Variants in CROT observed in about 807,000 individuals in gnomAD.
The protein encoded by CROT is carnitine O-octanoyltransferase.
Under a neutral mutation model 89.2 loss-of-function variants are expected in CROT, and 84 were observed. That is an observed-to-expected ratio of 0.94 (90% CI 0.79 to 1.13). The LOEUF (loss-of-function observed/expected upper bound fraction) is 1.13. Among genes scored for constraint, CROT ranks in the 50% most tolerant of loss-of-function variants. The pLI, the probability that CROT is intolerant of heterozygous loss-of-function variation, is 0.00. For missense variants in CROT, 711 were observed against 727.8 expected (o/e 0.98, Z 0.27); for synonymous variants, 212 against 239.5 (o/e 0.89, Z 1.06).
intron 3 of CROT, among the ~76,000 whole-genome samples, chr7:87,356,790 A>T (rs1033460990): frequency 4.6e-5 from 7 of 152,194 alleles, no homozygotes; most frequent in African/African-American, 1.7e-4. Flanking sequence ...TGGGAGGCCA[A>T]AGTGGGCAGA....
intron 10 of CROT, among the ~76,000 whole-genome samples, chr7:87,378,018 C>T (rs929419259): frequency 1.3e-5 from 2 of 152,034 alleles, no homozygotes; most frequent in Admixed American, 1.3e-4. Flanking sequence ...GATAGGCATT[C>T]AGGAGGTCTA....
chr7:87,355,193 A>G (rs1451390169), intron 3 of CROT, among the ~76,000 whole-genome samples: 1 of 151,458 alleles, frequency 6.6e-6, no homozygotes, highest in African/African-American at 2.4e-5. Context: ...TTGACAGCCC[A>G]GGCTCAAGTG....
chr7:87,389,640 G>A (rs569919788), intron 13 of CROT, among the ~76,000 whole-genome samples: 17 of 151,986 alleles, frequency 1.1e-4, no homozygotes, highest in Non-Finnish European at 8.8e-5. Context: ...GGGGCTAGGG[G>A]AGGGATAGCA....
intron 13 of CROT, among the ~76,000 whole-genome samples, chr7:87,385,861 G>A (rs536589216): frequency 1.3e-5 from 2 of 152,208 alleles, no homozygotes; most frequent in Non-Finnish European, 2.9e-5. Flanking sequence ...CTTCTTTACT[G>A]AGTTTGTTGA....
At chr7:87,353,517 C>T (rs1208206964) in intron 3 of CROT, among the ~76,000 whole-genome samples, 1 of 152,082 alleles carries the variant, frequency 6.6e-6, no homozygotes, top group African/African-American at 2.4e-5. Flanking sequence ...GCCATTTTTG[C>T]ATTGATATAA....
chr7:87,393,455 T>C (rs1385783779), intron 17 of CROT, among the ~76,000 whole-genome samples: 1 of 152,146 alleles, frequency 6.6e-6, no homozygotes, highest in East Asian at 1.9e-4. Flanking sequence ...AGAAAAGAGA[T>C]TGGGTAAATT....
intron 3 of CROT, among the ~76,000 whole-genome samples, chr7:87,356,887 T>G (rs1456264999): frequency 6.6e-6 from 1 of 152,150 alleles, no homozygotes; most frequent in Non-Finnish European, 1.5e-5. Context: ...CTGGGCGTGG[T>G]GGTGGGCACC....
chr7:87,372,007 C>CAAAAAAAAAAAAAAAAAAAAAAAAAAA (rs61300907), intron 7 of CROT, among the ~76,000 whole-genome samples: 1 of 124,002 alleles, frequency 8.1e-6, no homozygotes, highest in Non-Finnish European at 1.7e-5. Flanking sequence ...AAAAAAAAAA[C>CAAAAAAAAAAAAAAAAAAAAAAAAAAA]AAAAAAAAAA....
intron 13 of CROT, among the ~76,000 whole-genome samples, chr7:87,386,672 T>C (rs1807192926): frequency 6.6e-6 from 1 of 152,180 alleles, no homozygotes; most frequent in Non-Finnish European, 1.5e-5. Flanking sequence ...AACGAAAGGA[T>C]ACCCTGGCTG....
At chr7:87,370,412 G>A (rs1216411124) in intron 7 of CROT, among the ~76,000 whole-genome samples, 1 of 152,052 alleles carries the variant, frequency 6.6e-6, no homozygotes, top group African/African-American at 2.4e-5. Context: ...TGAACTCCTG[G>A]CCTTAAATAA....
intron 3 of CROT, among the ~76,000 whole-genome samples, chr7:87,354,815 G>T (rs1466756271): frequency 6.6e-6 from 1 of 152,108 alleles, no homozygotes; most frequent in Non-Finnish European, 1.5e-5. Flanking sequence ...AAAAAATCTT[G>T]TTTTAACATC....
intron 6 of CROT, among the ~76,000 whole-genome samples, 173 bp downstream of exon 6, chr7:87,362,025 C>T (rs972845477): frequency 9.2e-5 from 14 of 152,094 alleles, no homozygotes; most frequent in South Asian, 2.1e-4. Flanking sequence ...TTTATGGGAA[C>T]GGATTTTCTA....
chr7:87,355,131 G>A (rs903529265), intron 3 of CROT, among the ~76,000 whole-genome samples: 3 of 148,952 alleles, frequency 2.0e-5, no homozygotes, highest in African/African-American at 2.5e-5. Flanking sequence ...ATAGGGCCTC[G>A]CTCTCTTGCC....
At chr7:87,381,468 T>G (rs1459307718) in intron 10 of CROT, among the ~76,000 whole-genome samples, 1 of 152,212 alleles carries the variant, frequency 6.6e-6, no homozygotes, top group East Asian at 1.9e-4. Context: ...CTAAGTGGCC[T>G]AAGTCCTTAC....
At chr7:87,359,169 T>A (rs1806196192) in intron 3 of CROT, 37 bp from the exon 4 acceptor site, 2 of 1,384,450 alleles carry the variant, frequency 1.4e-6, no homozygotes, top group African/African-American at 2.9e-5. Flanking sequence ...TGGTGGTACT[T>A]GGTCTAAATA....
chr7:87,391,411 CA>C (rs1322165115), intron 13 of CROT, among the ~76,000 whole-genome samples, 177 bp from the exon 14 acceptor site: 2 of 152,164 alleles, frequency 1.3e-5, no homozygotes, highest in Admixed American at 6.5e-5. Context: ...CCCACATTAT[CA>C]GAGTATTTTT....
At chr7:87,383,483 G>C (rs1584643735) in intron 13 of CROT, among the ~76,000 whole-genome samples, 1 of 145,234 alleles carries the variant, frequency 6.9e-6, no homozygotes, top group East Asian at 2.0e-4. Flanking sequence ...ATATTCCATT[G>C]TGTATGTATA....
In CROT at chr7:87,375,698, T is replaced by C; in HGVS notation, c.723T>C (p.Thr241=). The change falls in exon 8 of 18, where the codon ACT becomes ACC. Residue 241 remains threonine (T), a synonymous_variant. Coordinates refer to ENST00000331536, the MANE Select transcript of CROT (RefSeq NM_021151.4). ...ATGGACCTGGGATTGCAGCATTAAC[T>C]AGTGAGGAGCGAACTCGATGGGCTA... ...EPDGPGIAAL[T]SEERTRWAKA... is the part of the protein sequence containing the mutation. 6.2e-7 allele frequency: 1 copy of C among 1,613,582 alleles called. No homozygotes were observed. Among genetic ancestry groups the C allele is most frequent in the Non-Finnish European group, 8.5e-7 (1 of 1,179,550 alleles).
In CROT at chr7:87,358,072, C is replaced by A. The variant is rs7801437; in HGVS notation, c.116-1134C>A. Among the ~76,000 whole-genome samples, 1,119 of 152,306 alleles carry A rather than the reference C, an allele frequency of 7.3e-3. 13 individuals are homozygous for A. Among genetic ancestry groups the A allele is most frequent in the African/African-American group, 0.025 (1,051 of 41,570 alleles). On this transcript the variant is annotated intron_variant, in intron 3 of 17. Coordinates refer to ENST00000331536, the MANE Select transcript of CROT (RefSeq NM_021151.4). ...CTCTCCTAAGCTCCTGCTTCCTTAA[C>A]AACACTGTTAGAAGTTGAAGGTTTA...
Sources: gnomAD v4.1 joint callset for allele counts (sites outside exome capture counted in the v4.1 genomes callset) on GRCh38, gnomAD v4.1.1 for gene constraint, MANE v1.5 for transcripts, NCBI Gene and HGNC (gene_info 2026-07-23, HGNC 2026-07-21) for gene names.